The following RGS7 variants were observed in gnomAD, a reference collection of about 807,000 sequenced individuals.
RGS7 encodes regulator of G-protein signaling 7.
RGS7 carries 27 observed loss-of-function variants against 81.1 expected under a neutral mutation model. The observed-to-expected ratio is 0.33, with a 90% CI of 0.25 to 0.46. RGS7 has a LOEUF of 0.46. Ranked by LOEUF, RGS7 falls within the 20% of genes least tolerant of loss-of-function variation. The pLI is 1.00. For synonymous variants in RGS7, 208 were observed against 207.7 expected, an observed-to-expected ratio of 1.00 and a Z score of -0.01; for missense variants, 396 against 607.4, an observed-to-expected ratio of 0.65 and a Z score of 3.66.
At chr1:241,256,926 TACACACACACACACACACAC>T (rs10552436) in intron 2 of RGS7, among the ~76,000 whole-genome samples, 2 of 146,168 alleles carry the variant, frequency 1.4e-5, no homozygotes, top group Non-Finnish European at 3.0e-5. Context: ...CCACTAGAAA[TACACACACACACACACACAC>T]ACACACACAC....
At chr1:240,978,297 G>T (rs1348202711) in intron 4 of RGS7, among the ~76,000 whole-genome samples, 2 of 152,144 alleles carry the variant, frequency 1.3e-5, no homozygotes, top group African/African-American at 4.8e-5. Context: ...ATGGCATAAA[G>T]ATTATAATAG....
rs141544183 is a variant in RGS7 at position 240,860,354 on chromosome 1, T to C, written c.609+8233A>G. ...TTTATCCATTTCTCCTTGTACTTCT[T>C]TCAGTGTTTGCCTCATACTTTGATG... On this transcript the variant is annotated intron_variant, in intron 9 of 18. Coordinates refer to ENST00000440928, the MANE Select transcript of RGS7 (RefSeq NM_001364886.1). Among the ~76,000 whole-genome samples the C allele has an allele frequency of 5.9e-5, 9 of 152,280 alleles. 1 individual carries two copies. The East Asian group carries it at 1.2e-3, about 20-fold the overall frequency.
chr1:241,117,080 C>T (rs1427170408), intron 2 of RGS7, among the ~76,000 whole-genome samples: 1 of 152,030 alleles, frequency 6.6e-6, no homozygotes, highest in East Asian at 1.9e-4. Context: ...CAAAGCATTA[C>T]AATGGAAGAT....
At chr1:240,951,977 G>A (rs2148439543) in intron 4 of RGS7, among the ~76,000 whole-genome samples, 1 of 152,162 alleles carries the variant, frequency 6.6e-6, no homozygotes, top group East Asian at 1.9e-4. Flanking sequence ...AGAATACAGT[G>A]AAATATGTAA....
chr1:241,172,922 T>C (rs1051619289), intron 2 of RGS7, among the ~76,000 whole-genome samples: 1 of 152,248 alleles, frequency 6.6e-6, no homozygotes, highest in Admixed American at 6.5e-5. Flanking sequence ...AGTCAGGTTT[T>C]CTTTCTCTCA....
chr1:241,334,254 C>A (rs757270425), intron 2 of RGS7, among the ~76,000 whole-genome samples: 1 of 152,064 alleles, frequency 6.6e-6, no homozygotes, highest in Non-Finnish European at 1.5e-5. Context: ...AGTTAAAAAT[C>A]TTTTTCCCAT....
intron 3 of RGS7, among the ~76,000 whole-genome samples, chr1:241,038,621 G>A (rs957243243): frequency 2.0e-5 from 3 of 152,154 alleles, no homozygotes; most frequent in Admixed American, 6.6e-5. Flanking sequence ...CCTGGATTTT[G>A]CCAAAGCAGT....
intron 6 of RGS7, among the ~76,000 whole-genome samples, chr1:240,910,925 G>C (rs1199217126): frequency 6.6e-6 from 1 of 151,968 alleles, no homozygotes; most frequent in Non-Finnish European, 1.5e-5. Flanking sequence ...TCTCCATGTT[G>C]GTCAGGCCAG....
At chr1:241,259,650 C>CAAAA (rs71571832) in intron 2 of RGS7, among the ~76,000 whole-genome samples, 14 of 39,900 alleles carry the variant, frequency 3.5e-4, no homozygotes, top group Non-Finnish European at 4.6e-4. Context: ...AACTCCGTCT[C>CAAAA]AAAAAAAAAA....
chr1:241,211,597 A>C (rs1337078225), intron 2 of RGS7, among the ~76,000 whole-genome samples: 2 of 152,152 alleles, frequency 1.3e-5, no homozygotes, highest in African/African-American at 2.4e-5. Context: ...ATTGAGGCTA[A>C]TTTTCTAGCT....
chr1:240,791,948 TGA>T (rs1270360592), intron 18 of RGS7, among the ~76,000 whole-genome samples: 1 of 152,210 alleles, frequency 6.6e-6, no homozygotes, highest in East Asian at 1.9e-4. Context: ...AAATTGAGAT[TGA>T]GAGTTGACCA....
chr1:241,284,373 C>T (rs895637622), intron 2 of RGS7, among the ~76,000 whole-genome samples: 2 of 151,798 alleles, frequency 1.3e-5, no homozygotes, highest in African/African-American at 4.8e-5. Context: ...CCTCCAATGC[C>T]ACCTAGGGGT....
chr1:240,857,805 T>C (rs1386734224), intron 9 of RGS7, among the ~76,000 whole-genome samples: 2 of 152,232 alleles, frequency 1.3e-5, no homozygotes, highest in African/African-American at 4.8e-5. Flanking sequence ...TCCCCATGTG[T>C]TGTGGGAGGG....
At chr1:240,824,843 A>G (rs1692513923) in intron 10 of RGS7, among the ~76,000 whole-genome samples, 1 of 152,166 alleles carries the variant, frequency 6.6e-6, no homozygotes. Flanking sequence ...AAGAAGAGGA[A>G]GAGACCCCAG....
At chr1:241,113,811 G>A (rs1184235717) in intron 2 of RGS7, among the ~76,000 whole-genome samples, 5 of 152,086 alleles carry the variant, frequency 3.3e-5, no homozygotes, top group African/African-American at 1.2e-4. Context: ...TTCTTTCTGT[G>A]CAAACTCTGA....
rs533175291 is a variant in RGS7, at chr1:241,075,294, C to T, written c.175+23372G>A. On this transcript the variant is annotated intron_variant, in intron 3 of 18. Coordinates refer to ENST00000440928, the MANE Select transcript of RGS7 (RefSeq NM_001364886.1). Reference sequence around the variant, plus strand: ...TATTTTTAACTCACTTTTGGGTTGTCTAAGGCTTAAGACTAACATAAGAAG... The same window carrying T: ...TATTTTTAACTCACTTTTGGGTTGTTTAAGGCTTAAGACTAACATAAGAAG... Among the ~76,000 whole-genome samples, 101 of 152,264 alleles carry T rather than the reference C, an allele frequency of 6.6e-4. 1 individual carries two copies. Among genetic ancestry groups the T allele is most frequent in the African/African-American group, 2.4e-3 (98 of 41,554 alleles).
At chr1:241,124,957 A>T (rs951632304) in intron 2 of RGS7, among the ~76,000 whole-genome samples, 2 of 152,220 alleles carry the variant, frequency 1.3e-5, no homozygotes, top group African/African-American at 2.4e-5. Flanking sequence ...TCCCTTGGAG[A>T]CTAAAGCATT....
intron 9 of RGS7, among the ~76,000 whole-genome samples, chr1:240,857,113 C>G (rs779945397): frequency 6.6e-6 from 1 of 152,120 alleles, no homozygotes; most frequent in Admixed American, 6.5e-5. Flanking sequence ...CACCACATGA[C>G]GCTGTTTTGT....
At chr1:240,791,418 A>G (rs1351306445) in intron 18 of RGS7, among the ~76,000 whole-genome samples, 1 of 152,256 alleles carries the variant, frequency 6.6e-6, no homozygotes, top group African/African-American at 2.4e-5. Flanking sequence ...AGATATACAC[A>G]TAATATATCC....
Sources: gnomAD v4.1 joint callset for allele counts (sites outside exome capture counted in the v4.1 genomes callset) on GRCh38, gnomAD v4.1.1 for gene constraint, MANE v1.5 for transcripts, NCBI Gene and HGNC (gene_info 2026-07-23, HGNC 2026-07-21) for gene names.